The following PPM1H variants were observed in gnomAD, a reference collection of about 807,000 sequenced individuals.
The protein encoded by PPM1H is protein phosphatase 1H.
Under a neutral mutation model 54.9 loss-of-function variants are expected in PPM1H, and 27 were observed. The observed-to-expected ratio is 0.49, with a 90% CI of 0.36 to 0.68. PPM1H has a LOEUF of 0.68. PPM1H is among the 30% of genes least tolerant of loss of function. The pLI, the probability that PPM1H is intolerant of heterozygous loss-of-function variation, is 0.00. For synonymous variants in PPM1H, 305 were observed against 270.8 expected (o/e 1.13, Z -1.24); for missense variants, 596 against 667.8 (o/e 0.89, Z 1.19).
chr12:62,931,111 TA>T (rs1872119123), intron 1 of PPM1H, among the ~76,000 whole-genome samples: 1 of 152,328 alleles, frequency 6.6e-6, no homozygotes, highest in African/African-American at 2.4e-5. Context: ...CATTTCTCCT[TA>T]ATTTTTCTAC....
chr12:62,796,807 T>G (rs1017633247), intron 3 of PPM1H, among the ~76,000 whole-genome samples: 3 of 152,206 alleles, frequency 2.0e-5, no homozygotes, highest in African/African-American at 7.2e-5. Flanking sequence ...CAAATCTAAA[T>G]TAGGCTATTC....
chr12:62,741,592 C>A (rs1230377350), intron 4 of PPM1H, among the ~76,000 whole-genome samples: 1 of 152,198 alleles, frequency 6.6e-6, no homozygotes, highest in Non-Finnish European at 1.5e-5. Flanking sequence ...GCTCAGAACG[C>A]CTTCTGTTGT....
intron 1 of PPM1H, among the ~76,000 whole-genome samples, chr12:62,909,637 T>C (rs1167253315): frequency 6.6e-6 from 1 of 152,202 alleles, no homozygotes; most frequent in Admixed American, 6.5e-5. Context: ...TCTCTGACAC[T>C]CTCTGTGAAG....
At chr12:62,872,691 G>T (rs1870027973) in intron 1 of PPM1H, among the ~76,000 whole-genome samples, 1 of 152,086 alleles carries the variant, frequency 6.6e-6, no homozygotes, top group South Asian at 2.1e-4. Context: ...GGCAAATGTT[G>T]ATCAAAATAT....
chr12:62,832,070 G>T, intron 2 of PPM1H, 44 bp downstream of exon 2: 1 of 1,593,752 alleles, frequency 6.3e-7, no homozygotes. Flanking sequence ...CAAAGTGTGT[G>T]CCATTCTTCT....
intron 2 of PPM1H, among the ~76,000 whole-genome samples, chr12:62,831,800 C>T (rs1868364118): frequency 7.0e-6 from 1 of 143,758 alleles, no homozygotes; most frequent in African/African-American, 2.6e-5. Flanking sequence ...TACACACACA[C>T]ACACATATAT....
intron 1 of PPM1H, among the ~76,000 whole-genome samples, chr12:62,916,316 C>T (rs888911818): frequency 9.9e-5 from 15 of 152,142 alleles, no homozygotes; most frequent in Non-Finnish European, 1.8e-4. Context: ...GTTGATCATA[C>T]ATCATCTTCT....
intron 6 of PPM1H, among the ~76,000 whole-genome samples, chr12:62,697,303 A>C (rs896609747): frequency 1.3e-5 from 2 of 151,938 alleles, no homozygotes; most frequent in Non-Finnish European, 2.9e-5. Flanking sequence ...ATTTTTGTAG[A>C]GATACGGTTT....
rs75247190 is a variant in PPM1H, at chr12:62,740,959, C to T, written c.870-3373G>A. Among the ~76,000 whole-genome samples the T allele has an allele frequency of 3.7e-3, 560 of 152,312 alleles. 4 individuals are homozygous for T. Among genetic ancestry groups the T allele is most frequent in the African/African-American group, 0.013 (527 of 41,568 alleles). On this transcript the variant is annotated intron_variant, in intron 4 of 9. Coordinates refer to ENST00000228705, the MANE Select transcript of PPM1H (RefSeq NM_020700.2). ...ACATATGCTGGTGAGTCCAGACAAC[C>T]TTTCTAGCCCACATATCTCTGTTGT... is the stretch of plus-strand genomic sequence containing the variant.
chr12:62,811,106 T>G (rs2076832593), intron 2 of PPM1H, among the ~76,000 whole-genome samples: 1 of 152,086 alleles, frequency 6.6e-6, no homozygotes, highest in African/African-American at 2.4e-5. Context: ...CCATGGGGTA[T>G]GGGGGGCACA....
chr12:62,667,073 T>A, intron 9 of PPM1H, 105 bp downstream of exon 9: 1 of 1,306,128 alleles, frequency 7.7e-7, no homozygotes. Context: ...ACCGTCCATA[T>A]CAGCCTCTAA....
intron 1 of PPM1H, among the ~76,000 whole-genome samples, chr12:62,882,365 T>C (rs557449754): frequency 3.0e-4 from 46 of 152,380 alleles, no homozygotes; most frequent in African/African-American, 1.1e-3. Flanking sequence ...GTGCTAGAGC[T>C]GGGGCAGGCA....
chr12:62,781,258 A>G (rs2076640393), intron 4 of PPM1H, among the ~76,000 whole-genome samples: 1 of 152,216 alleles, frequency 6.6e-6, no homozygotes, highest in African/African-American at 2.4e-5. Context: ...TCAGAGGAAC[A>G]GGGCCTAAGT....
chr12:62,814,131 G>A (rs2076851942), intron 2 of PPM1H, among the ~76,000 whole-genome samples: 1 of 152,144 alleles, frequency 6.6e-6, no homozygotes, highest in South Asian at 2.1e-4. Context: ...CCAAGCTGGA[G>A]TGCAGTGGCA....
At chr12:62,698,112 C>T (rs1350288407) in intron 6 of PPM1H, among the ~76,000 whole-genome samples, 4 of 151,380 alleles carry the variant, frequency 2.6e-5, no homozygotes, top group African/African-American at 4.9e-5. Flanking sequence ...AAAAAAAAAG[C>T]CACTGTTGGT....
intron 8 of PPM1H, among the ~76,000 whole-genome samples, chr12:62,676,717 G>A (rs432794): frequency 0.065 from 9,954 of 152,186 alleles, 381 homozygotes; most frequent in Admixed American, 0.094. Context: ...GGTCGCCACC[G>A]AGCATGGGAG....
chr12:62,836,083 A>G (rs962371963), intron 1 of PPM1H, among the ~76,000 whole-genome samples: 1 of 152,238 alleles, frequency 6.6e-6, no homozygotes, highest in East Asian at 1.9e-4. Context: ...CCTTGAGGTC[A>G]ACAGGAAAAA....
At chr12:62,794,294 A>G (rs1205277427) in intron 3 of PPM1H, among the ~76,000 whole-genome samples, 1 of 152,244 alleles carries the variant, frequency 6.6e-6, no homozygotes, top group Non-Finnish European at 1.5e-5. Context: ...TTAACATGCT[A>G]ATTTTGGAAA....
intron 2 of PPM1H, among the ~76,000 whole-genome samples, chr12:62,812,679 C>T (rs780508742): frequency 6.6e-6 from 1 of 151,798 alleles, no homozygotes; most frequent in Non-Finnish European, 1.5e-5. Flanking sequence ...CTCTTTTAGA[C>T]TTTCTCTACA....
Sources: allele counts gnomAD v4.1 joint callset (sites outside exome capture counted in the v4.1 genomes callset), GRCh38; gene constraint gnomAD v4.1.1; transcripts MANE v1.5; gene names NCBI Gene and HGNC (gene_info 2026-07-23, HGNC 2026-07-21).